DNAH9: variants seen among roughly 807,000 people sequenced by gnomAD.
The protein encoded by DNAH9 is dynein axonemal heavy chain 9.
DNAH9 carries 345 observed loss-of-function variants against 471.6 expected under a neutral mutation model. The observed-to-expected ratio is 0.73, with a 90% CI of 0.67 to 0.80. The LOEUF (loss-of-function observed/expected upper bound fraction) is 0.80. DNAH9 is among the 30% of genes least tolerant of loss of function. The pLI is 0.00. For missense variants in DNAH9, 5,407 were observed against 5,609.2 expected (o/e 0.96, Z 1.15); for synonymous variants, 2,093 against 2,123.6 (o/e 0.99, Z 0.40).
intron 15 of DNAH9, among the ~76,000 whole-genome samples, chr17:11,667,673 C>T (rs1179333565): frequency 6.6e-6 from 1 of 152,210 alleles, no homozygotes; most frequent in East Asian, 1.9e-4. Context: ...TATGGCTCCA[C>T]CATTCTTCAG....
In DNAH9 at chr17:11,632,576, T is replaced by G. The variant is rs1034915073; in HGVS notation, c.1519-11T>G. On this transcript the variant is annotated splice_polypyrimidine_tract_variant and intron_variant, in intron 7 of 68. Transcript: ENST00000262442. ...TTACGTTTTCCTTATATATATATGG[T>G]GTCTCTTCAGGACTTTGAAAATGAC... 2 of 1,334,022 alleles carry G rather than the reference T, an allele frequency of 1.5e-6. No homozygotes were observed. Among genetic ancestry groups the G allele is most frequent in the Non-Finnish European group, 2.2e-6 (2 of 924,876 alleles). The allele number at this position is 1,334,022 out of a possible 1,614,324, so 82.6% of individuals were successfully genotyped here.
rs1419793122 is a variant in DNAH9, at chr17:11,652,287, T to TC, written c.2354-474_2354-473insC. 3.0e-5 allele frequency among the ~76,000 whole-genome samples: 4 copies of TC among 134,524 alleles called. No homozygotes were observed. In the East Asian group the frequency reaches 6.4e-4, roughly 22 times the overall value. The allele number at this position is 134,524 out of a possible 152,430, so 88.3% of individuals were successfully genotyped here. ...GATTATGGTAAGGGTAGGCTTTTTTTTTTTTTTTTTTTTTTTGAGACAGAG... is the reference window on the plus strand; with the variant it reads ...GATTATGGTAAGGGTAGGCTTTTTTTCTTTTTTTTTTTTTTTTGAGACAGAG... On this transcript the variant is annotated intron_variant, in intron 13 of 68. Transcript: ENST00000262442.
rs1336130668 is a variant in DNAH9 at position 11,744,653 on chromosome 17, CATT to C, written c.6112-143_6112-141del. 28 of 692,384 alleles carry C rather than the reference CATT, an allele frequency of 4.0e-5. No individual in the cohort carries two copies. The Middle Eastern group carries it at 1.6e-3, about 40-fold the overall frequency. The allele number at this position is 692,384 out of a possible 1,614,324, so 42.9% of individuals were successfully genotyped here. A position where few individuals can be genotyped will look rare whatever the true frequency, so the allele number is the denominator to read the frequency against. ...ACCAGGAACTAAATTCTGGGATCAT[CATT>C]TTCTAAGTCATCCCTTCCCACGTCT... On this transcript the variant is annotated intron_variant, in intron 30 of 68. Coordinates refer to ENST00000262442, the MANE Select transcript of DNAH9 (RefSeq NM_001372.4).
chr17:11,696,452 C>A (rs2150764916), intron 22 of DNAH9, among the ~76,000 whole-genome samples: 1 of 152,248 alleles, frequency 6.6e-6, no homozygotes, highest in Admixed American at 6.5e-5. Context: ...CATCTGTCTT[C>A]CAGGTAAACT....
rs115330539 is a variant in DNAH9 at position 11,712,226 on chromosome 17, T to A, written c.5552+7041T>A. On this transcript the variant is annotated intron_variant, in intron 26 of 68. Transcript: ENST00000262442. ...TATATAATTTTAAAAACTCCCATAT[T>A]TTTTAGGTTCACTCATGGCAGAGCA... 6.2e-3 allele frequency among the ~76,000 whole-genome samples: 910 copies of A among 146,994 alleles called. 16 individuals carry two copies. Among genetic ancestry groups the A allele is most frequent in the African/African-American group, 0.022 (851 of 39,214 alleles).
chr17:11,677,704 A>T (rs2074070023), intron 17 of DNAH9, among the ~76,000 whole-genome samples: 3 of 151,506 alleles, frequency 2.0e-5, no homozygotes, highest in African/African-American at 7.3e-5. Context: ...TTTCTTTTTC[A>T]TTGACTTCCT....
intron 30 of DNAH9, among the ~76,000 whole-genome samples, chr17:11,743,024 C>T (rs1366259251): frequency 1.3e-5 from 2 of 152,150 alleles, no homozygotes; most frequent in African/African-American, 4.8e-5. Context: ...CGGCTTTATC[C>T]CAAACCTCTC....
chr17:11,725,042 C>G (rs753446802), intron 27 of DNAH9, among the ~76,000 whole-genome samples: 1 of 152,192 alleles, frequency 6.6e-6, no homozygotes, highest in Non-Finnish European at 1.5e-5. Context: ...GGTTCATGCT[C>G]TCATGAGAAT....
At chr17:11,963,633 T>G (rs546220543) in intron 68 of DNAH9, among the ~76,000 whole-genome samples, 5 of 152,032 alleles carry the variant, frequency 3.3e-5, no homozygotes, top group African/African-American at 4.8e-5. Context: ...AATCTGCATA[T>G]GTATCCCCTG....
rs182314674 is a variant in DNAH9 at position 11,825,217 on chromosome 17, G to A, written c.9246+2183G>A. Reference sequence around the variant, plus strand: ...ACATCTTTTCTCCTGATCACTTTCTGTTTGTTTCAATCTCTGAATCTGTAG... The same window carrying A: ...ACATCTTTTCTCCTGATCACTTTCTATTTGTTTCAATCTCTGAATCTGTAG... On this transcript the variant is annotated intron_variant, in intron 48 of 68. Transcript: ENST00000262442. 6.5e-3 allele frequency among the ~76,000 whole-genome samples: 958 copies of A among 146,768 alleles called. 16 individuals carry two copies. Among genetic ancestry groups the A allele is most frequent in the African/African-American group, 0.023 (913 of 40,028 alleles).
intron 59 of DNAH9, among the ~76,000 whole-genome samples, chr17:11,899,536 T>C (rs1339709528): frequency 6.6e-6 from 1 of 152,240 alleles, no homozygotes; most frequent in Non-Finnish European, 1.5e-5. Context: ...AGAAATCCCT[T>C]TGCCTCATTT....
chr17:11,882,863 G>A, intron 55 of DNAH9: 6 of 920,280 alleles, frequency 6.5e-6, no homozygotes, highest in Non-Finnish European at 7.8e-6. Context: ...CCAGCACAGA[G>A]AACAGCAAAT....
At chr17:11,657,032 C>G (rs1338316877) in intron 14 of DNAH9, among the ~76,000 whole-genome samples, 1 of 152,080 alleles carries the variant, frequency 6.6e-6, no homozygotes, top group Non-Finnish European at 1.5e-5. Context: ...ATAAATAAAG[C>G]TTGTATGTAC....
At chr17:11,797,976 A>G (rs1969308502) in intron 43 of DNAH9, among the ~76,000 whole-genome samples, 183 bp downstream of exon 43, 1 of 152,170 alleles carries the variant, frequency 6.6e-6, no homozygotes, top group Non-Finnish European at 1.5e-5. Flanking sequence ...AGGGGGCAGC[A>G]CAGTGCGGAG....
At chr17:11,960,933 T>A (rs1227088191) in intron 67 of DNAH9, among the ~76,000 whole-genome samples, 1 of 152,212 alleles carries the variant, frequency 6.6e-6, no homozygotes, top group Non-Finnish European at 1.5e-5. Context: ...CCCTAACACC[T>A]ATTACAGAAA....
intron 41 of DNAH9, among the ~76,000 whole-genome samples, chr17:11,790,347 G>A (rs572273449): frequency 2.0e-5 from 3 of 152,028 alleles, no homozygotes; most frequent in Admixed American, 2.0e-4. Flanking sequence ...TTGAAACTGT[G>A]TTATTTATTA....
Position 11,735,698 on chromosome 17 carries a change from G to A in DNAH9, c.5815-3182G>A, listed in dbSNP as rs187743330. 2.3e-3 allele frequency among the ~76,000 whole-genome samples: 354 copies of A among 152,350 alleles called. 1 individual carries two copies. The highest frequency in any genetic ancestry group is 5.6e-3 in the East Asian group (29 of 5,190). On this transcript the variant is annotated intron_variant, in intron 28 of 68. Transcript: ENST00000262442. ...GATCCGCCCGCCTCGGCCTCCCAAA[G>A]TGCTGGGATTACAGACGTGATTATT...
At chr17:11,967,114 GTTTT>G (rs148433205) in intron 68 of DNAH9, among the ~76,000 whole-genome samples, 1 of 144,190 alleles carries the variant, frequency 6.9e-6, no homozygotes, top group African/African-American at 2.6e-5. Flanking sequence ...TTTGTTTTTT[GTTTT>G]TTTTAAGACT....
At chr17:11,831,332 G>A (rs1196406331) in intron 48 of DNAH9, among the ~76,000 whole-genome samples, 1 of 152,060 alleles carries the variant, frequency 6.6e-6, no homozygotes, top group Non-Finnish European at 1.5e-5. Flanking sequence ...TGGCAAGAGA[G>A]GAGGCAAGAG....
Sources: allele counts gnomAD v4.1 joint callset (sites outside exome capture counted in the v4.1 genomes callset), GRCh38; gene constraint gnomAD v4.1.1; transcripts MANE v1.5; gene names NCBI Gene and HGNC (gene_info 2026-07-23, HGNC 2026-07-21).